The following WSCD2 variants were observed in gnomAD, a reference collection of about 807,000 sequenced individuals.
WSCD2 encodes sialate:O-sulfotransferase 2.
Under a neutral mutation model 55.7 loss-of-function variants are expected in WSCD2, and 28 were observed. The ratio of observed to expected loss-of-function variants is 0.50; its 90% CI spans 0.37 to 0.69. The LOEUF (loss-of-function observed/expected upper bound fraction) is 0.69, where lower values mean the gene tolerates loss of function less well. Among genes scored for constraint, WSCD2 ranks in the 30% least tolerant of loss-of-function variants. The pLI is 0.00. For synonymous variants in WSCD2, 301 were observed against 301.9 expected (o/e 1.00, Z 0.03); for missense variants, 616 against 762.1 (o/e 0.81, Z 2.26).
chr12:108,211,533 A>C (rs1886139024), intron 4 of WSCD2, among the ~76,000 whole-genome samples: 1 of 151,782 alleles, frequency 6.6e-6, no homozygotes, highest in African/African-American at 2.4e-5. Flanking sequence ...GTTAACAGCT[A>C]GTCTGTTTGC....
rs377430018 is a variant in WSCD2, at chr12:108,181,177, G to A, written c.-551-14105G>A. On this transcript the variant is annotated intron_variant, in intron 1 of 8. Coordinates refer to ENST00000547525, the MANE Select transcript of WSCD2 (RefSeq NM_014653.4). ...CTTAGGAACCTGACATGCTGCAGCC[G>A]TCAGCAGCCTATTCCAACCCTCGTG... is the stretch of plus-strand genomic sequence containing the variant. Among the ~76,000 whole-genome samples, 9 of 152,282 alleles carry A rather than the reference G, an allele frequency of 5.9e-5. No individual in the cohort carries two copies. The South Asian group carries it at 1.0e-3, about 18-fold the overall frequency.
chr12:108,170,945 G>T (rs1788898608), intron 1 of WSCD2, among the ~76,000 whole-genome samples: 1 of 152,168 alleles, frequency 6.6e-6, no homozygotes, highest in East Asian at 1.9e-4. Flanking sequence ...CTAAGGCTGG[G>T]CTCAAAGGTC....
At chr12:108,224,978 CTG>C (rs1476693388) in intron 5 of WSCD2, 118 bp downstream of exon 5, 5 of 1,418,564 alleles carry the variant, frequency 3.5e-6, no homozygotes, top group Middle Eastern at 4.1e-4. Flanking sequence ...TAGTCGTTGA[CTG>C]GGATCTATGA....
intron 1 of WSCD2, among the ~76,000 whole-genome samples, chr12:108,188,681 T>G (rs1042326258): frequency 2.6e-5 from 4 of 151,860 alleles, no homozygotes; most frequent in Non-Finnish European, 4.4e-5. Context: ...ATTAAAGGAA[T>G]TGGGGGTTAT....
intron 2 of WSCD2, among the ~76,000 whole-genome samples, chr12:108,198,662 T>A (rs1378677114): frequency 6.6e-6 from 1 of 152,242 alleles, no homozygotes; most frequent in African/African-American, 2.4e-5. Flanking sequence ...ATTATTTGAA[T>A]GAAATGATAT....
intron 1 of WSCD2, among the ~76,000 whole-genome samples, chr12:108,135,624 A>G (rs973621848): frequency 2.6e-5 from 4 of 152,206 alleles, no homozygotes; most frequent in Non-Finnish European, 5.9e-5. Context: ...AGGGTGACCA[A>G]TCATCCTGAC....
intron 1 of WSCD2, among the ~76,000 whole-genome samples, chr12:108,155,696 A>T (rs901908320): frequency 6.6e-6 from 1 of 152,210 alleles, no homozygotes; most frequent in South Asian, 2.1e-4. Context: ...GATGATGGAG[A>T]TAAGAATAGT....
intron 1 of WSCD2, among the ~76,000 whole-genome samples, chr12:108,181,523 G>A (rs760741727): frequency 1.3e-5 from 2 of 152,150 alleles, no homozygotes; most frequent in Non-Finnish European, 2.9e-5. Flanking sequence ...TGCCTGTCAG[G>A]GACCCTGAGA....
At chr12:108,238,899 C>T (rs552583071) in intron 7 of WSCD2, among the ~76,000 whole-genome samples, 24 of 152,254 alleles carry the variant, frequency 1.6e-4, no homozygotes, top group East Asian at 5.8e-4. Flanking sequence ...GTAACCTGGG[C>T]GAGTTATTGG....
At chr12:108,145,478 A>C (rs1330370275) in intron 1 of WSCD2, among the ~76,000 whole-genome samples, 3 of 152,196 alleles carry the variant, frequency 2.0e-5, no homozygotes, top group Non-Finnish European at 1.5e-5. Flanking sequence ...ACATATGTAC[A>C]ACAAAACTGT....
At chr12:108,132,999 G>A (rs922327616) in intron 1 of WSCD2, among the ~76,000 whole-genome samples, 9 of 152,148 alleles carry the variant, frequency 5.9e-5, no homozygotes, top group Non-Finnish European at 1.2e-4. Context: ...GTAAACGTGT[G>A]TTTCTGAACG....
At chr12:108,152,623 A>G (rs997024985) in intron 1 of WSCD2, among the ~76,000 whole-genome samples, 11 of 152,308 alleles carry the variant, frequency 7.2e-5, no homozygotes, top group Middle Eastern at 3.4e-3. Flanking sequence ...GCCATCCCAG[A>G]AGCCCGAGGG....
At chr12:108,131,532 T>C (rs1198014601) in intron 1 of WSCD2, among the ~76,000 whole-genome samples, 2 of 152,210 alleles carry the variant, frequency 1.3e-5, no homozygotes, top group Non-Finnish European at 2.9e-5. Flanking sequence ...CTAACTGAGA[T>C]GGTGCCTGGA....
chr12:108,236,422 T>C (rs1013840264), intron 7 of WSCD2, among the ~76,000 whole-genome samples: 6 of 152,202 alleles, frequency 3.9e-5, no homozygotes, highest in Non-Finnish European at 8.8e-5. Context: ...AGTGAATGAA[T>C]GAAGAAATGT....
intron 7 of WSCD2, among the ~76,000 whole-genome samples, chr12:108,237,943 T>TTA (rs1889398582): frequency 6.6e-6 from 1 of 152,240 alleles, no homozygotes; most frequent in Non-Finnish European, 1.5e-5. Context: ...GGCAATTTAT[T>TTA]TTCCTTGTTA....
intron 1 of WSCD2, among the ~76,000 whole-genome samples, chr12:108,140,933 C>T (rs1217880655): frequency 2.6e-5 from 4 of 152,262 alleles, no homozygotes; most frequent in Non-Finnish European, 4.4e-5. Context: ...GCGGCCCCTT[C>T]GCTCCCATGC....
At chr12:108,184,325 C>T (rs769975107) in intron 1 of WSCD2, among the ~76,000 whole-genome samples, 35 of 152,162 alleles carry the variant, frequency 2.3e-4, no homozygotes, top group Non-Finnish European at 4.6e-4. Context: ...ACCCCCCAAA[C>T]ACACACACAC....
At chr12:108,222,217 C>A (rs1195690500) in intron 4 of WSCD2, among the ~76,000 whole-genome samples, 1 of 152,100 alleles carries the variant, frequency 6.6e-6, no homozygotes, top group East Asian at 1.9e-4. Context: ...CTAGATAGAC[C>A]CAGACACCGC....
rs374871074 is a variant in WSCD2, at chr12:108,211,729, T to C, written c.682+1424T>C. On this transcript the variant is annotated intron_variant, in intron 4 of 8. Transcript: ENST00000547525. ...AGTGCAATGGTGTGATCTTGGCTCATTGCAACCCCCGTATGCCAGGTTCAA... is the reference window on the plus strand; with the variant it reads ...AGTGCAATGGTGTGATCTTGGCTCACTGCAACCCCCGTATGCCAGGTTCAA... 3.8e-3 allele frequency among the ~76,000 whole-genome samples: 571 copies of C among 150,660 alleles called. 3 individuals are homozygous for C. Among genetic ancestry groups the C allele is most frequent in the African/African-American group, 0.012 (480 of 41,036 alleles).
Sources: gnomAD v4.1 joint callset for allele counts (sites outside exome capture counted in the v4.1 genomes callset) on GRCh38, gnomAD v4.1.1 for gene constraint, MANE v1.5 for transcripts, NCBI Gene and HGNC (gene_info 2026-07-23, HGNC 2026-07-21) for gene names.